CACNA2D1: variants seen among roughly 807,000 people sequenced by gnomAD.
CACNA2D1 encodes the protein calcium voltage-gated channel auxiliary subunit alpha2delta 1.
A neutral mutation model predicts 171.5 loss-of-function variants in CACNA2D1; 53 were observed. The ratio of observed to expected loss-of-function variants is 0.31; its 90% CI spans 0.25 to 0.39. The LOEUF (loss-of-function observed/expected upper bound fraction) is 0.39. Among genes scored for constraint, CACNA2D1 ranks in the 10% least tolerant of loss-of-function variants. CACNA2D1 has a pLI of 1.00. For synonymous variants in CACNA2D1, 442 were observed against 443.1 expected, an observed-to-expected ratio of 1.00 and a Z score of 0.03; for missense variants, 903 against 1,299.8, an observed-to-expected ratio of 0.69 and a Z score of 4.69.
chr7:82,242,217 T>C lies in CACNA2D1; in HGVS notation c.295-71608A>G, dbSNP rs139673130. 1.2e-3 allele frequency among the ~76,000 whole-genome samples: 178 copies of C among 152,230 alleles called. 2 individuals carry two copies. The South Asian group carries it at 0.012, about 10-fold the overall frequency. Reference sequence around the variant, plus strand: ...ATTTTATCGCCAAGAGTAAGAACCGTATAAGGGAGCGTATAAGAACAGTAT... The same window carrying C: ...ATTTTATCGCCAAGAGTAAGAACCGCATAAGGGAGCGTATAAGAACAGTAT... On this transcript the variant is annotated intron_variant, in intron 3 of 38. Transcript: ENST00000356860.
chr7:82,314,556 A>G (rs766948416), intron 3 of CACNA2D1, among the ~76,000 whole-genome samples: 9 of 152,224 alleles, frequency 5.9e-5, no homozygotes, highest in Non-Finnish European at 8.8e-5. Context: ...TGTGCTAACT[A>G]TTAGTAATCT....
At chr7:81,952,501 A>C (rs867868329) in intron 38 of CACNA2D1, among the ~76,000 whole-genome samples, 6 of 152,160 alleles carry the variant, frequency 3.9e-5, no homozygotes, top group African/African-American at 1.2e-4. Context: ...TAGAATCATA[A>C]AATAATCAAT....
intron 1 of CACNA2D1, among the ~76,000 whole-genome samples, chr7:82,439,768 A>C (rs1401494519): frequency 6.6e-6 from 1 of 151,702 alleles, no homozygotes; most frequent in East Asian, 1.9e-4. Context: ...TCTGTGGAAT[A>C]GTAAATGTTA....
At chr7:82,263,471 G>C (rs1233152322) in intron 3 of CACNA2D1, among the ~76,000 whole-genome samples, 1 of 152,104 alleles carries the variant, frequency 6.6e-6, no homozygotes, top group Non-Finnish European at 1.5e-5. Context: ...TGTTGTAGAA[G>C]TGTGGGCTAT....
intron 6 of CACNA2D1, among the ~76,000 whole-genome samples, chr7:82,087,935 T>C (rs1463825613): frequency 3.3e-5 from 5 of 152,160 alleles, no homozygotes; most frequent in Non-Finnish European, 5.9e-5. Context: ...GGATACGAAT[T>C]GTGCTCTGCC....
chr7:82,271,854 C>T (rs1296886837), intron 3 of CACNA2D1, among the ~76,000 whole-genome samples: 1 of 152,002 alleles, frequency 6.6e-6, no homozygotes, highest in Admixed American at 6.6e-5. Context: ...TAATCATAGA[C>T]AATAGATGAT....
intron 3 of CACNA2D1, among the ~76,000 whole-genome samples, chr7:82,209,600 T>C (rs755050002): frequency 6.6e-6 from 1 of 152,166 alleles, no homozygotes; most frequent in Non-Finnish European, 1.5e-5. Flanking sequence ...TTTTCTTTCC[T>C]TGTTCCCAAC....
chr7:82,303,601 T>C (rs1367919802), intron 3 of CACNA2D1, among the ~76,000 whole-genome samples: 1 of 151,936 alleles, frequency 6.6e-6, no homozygotes, highest in African/African-American at 2.4e-5. Context: ...CATAGACCAA[T>C]GGAACAGAAC....
chr7:82,026,949 A>T (rs1256307360), intron 12 of CACNA2D1, among the ~76,000 whole-genome samples: 1 of 151,698 alleles, frequency 6.6e-6, no homozygotes, highest in Non-Finnish European at 1.5e-5. Context: ...TTATTAGTGG[A>T]CACAGAACAT....
intron 2 of CACNA2D1, among the ~76,000 whole-genome samples, chr7:82,347,165 A>G (rs1819346965): frequency 6.6e-6 from 1 of 152,182 alleles, no homozygotes; most frequent in African/African-American, 2.4e-5. Context: ...AAAATCTCAC[A>G]TTTGTAAAGT....
intron 16 of CACNA2D1, among the ~76,000 whole-genome samples, chr7:82,007,270 G>T (rs1244891958): frequency 2.0e-5 from 3 of 152,246 alleles, no homozygotes; most frequent in Non-Finnish European, 4.4e-5. Flanking sequence ...GGGAGTTGGG[G>T]AGGAATGATT....
At chr7:82,001,706 C>T (rs1279758311) in intron 18 of CACNA2D1, 1 of 1,241,762 alleles carries the variant, frequency 8.1e-7, no homozygotes, top group Non-Finnish European at 1.1e-6. Context: ...GGTATACCTA[C>T]ACCAATAGGC....
chr7:81,971,727 T>C (rs1304838501), intron 26 of CACNA2D1, 50 bp downstream of exon 26: 1 of 1,044,854 alleles, frequency 9.6e-7, no homozygotes, highest in South Asian at 1.3e-5. Context: ...CAGGAGAAAC[T>C]AAATTGAAAT....
intron 18 of CACNA2D1, among the ~76,000 whole-genome samples, chr7:82,004,406 T>C (rs1798916122): frequency 6.6e-6 from 1 of 151,688 alleles, no homozygotes; most frequent in Non-Finnish European, 1.5e-5. Flanking sequence ...CAAAGTCAGA[T>C]AAACTAAAAT....
intron 6 of CACNA2D1, among the ~76,000 whole-genome samples, chr7:82,096,935 A>G (rs570100092): frequency 2.0e-5 from 3 of 152,316 alleles, no homozygotes; most frequent in South Asian, 2.1e-4. Context: ...ACATAGATAA[A>G]GCATCTAAAT....
At chr7:82,112,999 G>A (rs539549323) in intron 6 of CACNA2D1, among the ~76,000 whole-genome samples, 1 of 152,094 alleles carries the variant, frequency 6.6e-6, no homozygotes, top group Non-Finnish European at 1.5e-5. Flanking sequence ...CATGAAAATT[G>A]TCTTCTTTTA....
At chr7:82,202,067 G>A (rs984870086) in intron 3 of CACNA2D1, among the ~76,000 whole-genome samples, 4 of 152,162 alleles carry the variant, frequency 2.6e-5, no homozygotes, top group South Asian at 4.1e-4. Context: ...TTTGGAGTGC[G>A]GGCACACAAT....
chr7:82,294,494 G>C (rs905221140), intron 3 of CACNA2D1, among the ~76,000 whole-genome samples: 1 of 151,914 alleles, frequency 6.6e-6, no homozygotes, highest in African/African-American at 2.4e-5. Flanking sequence ...ATGACTTTTT[G>C]TACTCTGAGA....
At chr7:82,239,030 A>G (rs1803940640) in intron 3 of CACNA2D1, among the ~76,000 whole-genome samples, 1 of 152,146 alleles carries the variant, frequency 6.6e-6, no homozygotes, top group African/African-American at 2.4e-5. Context: ...GGTAAGTAAT[A>G]TATTCAACTG....
Sources: gnomAD v4.1 joint callset for allele counts (sites outside exome capture counted in the v4.1 genomes callset) on GRCh38, gnomAD v4.1.1 for gene constraint, MANE v1.5 for transcripts, NCBI Gene and HGNC (gene_info 2026-07-23, HGNC 2026-07-21) for gene names.